Variants in EPHA6 observed in about 807,000 individuals in gnomAD.
EPHA6 encodes the protein EPH receptor A6, also known as ephrin type-A receptor 6.
Under a neutral mutation model 112.0 loss-of-function variants are expected in EPHA6, and 50 were observed. The observed-to-expected ratio is 0.45, with a 90% CI of 0.36 to 0.56. The LOEUF is 0.56. Among genes scored for constraint, EPHA6 ranks in the 20% least tolerant of loss-of-function variants. The pLI is 0.00. For synonymous variants in EPHA6, 529 were observed against 490.7 expected (o/e 1.08, Z -1.03); for missense variants, 1,280 against 1,417.4 (o/e 0.90, Z 1.56).
At chr3:97,196,246 G>T (rs1387521911) in intron 3 of EPHA6, among the ~76,000 whole-genome samples, 2 of 150,566 alleles carry the variant, frequency 1.3e-5, no homozygotes, top group Non-Finnish European at 3.0e-5. Flanking sequence ...TCTTCTGTTT[G>T]ATCAGTTCTG....
At chr3:96,854,138 A>G (rs2035553834) in intron 1 of EPHA6, among the ~76,000 whole-genome samples, 1 of 151,492 alleles carries the variant, frequency 6.6e-6, no homozygotes, top group South Asian at 2.1e-4. Flanking sequence ...CATGGATCTA[A>G]AAAAAGATAT....
chr3:97,543,885 G>T (rs2107684095), intron 11 of EPHA6, among the ~76,000 whole-genome samples: 1 of 152,028 alleles, frequency 6.6e-6, no homozygotes, highest in Admixed American at 6.6e-5. Flanking sequence ...CTCATGATTT[G>T]GCTCTCTGTC....
chr3:97,079,125 T>C (rs1007305876), intron 3 of EPHA6, among the ~76,000 whole-genome samples: 3 of 152,172 alleles, frequency 2.0e-5, no homozygotes, highest in African/African-American at 7.2e-5. Flanking sequence ...TGCCCATCAA[T>C]GTTAGACTGA....
rs202137993 is a variant in EPHA6, at chr3:97,377,951, G to A, written c.1607-27199G>A. On this transcript the variant is annotated intron_variant, in intron 5 of 17. Coordinates refer to ENST00000389672, the MANE Select transcript of EPHA6 (RefSeq NM_001080448.3). ...AGAAAAGAAAATCCCATTTTCTGAG[G>A]AGAAATTCCAGCTGCCAGCAAATAT... Among the ~76,000 whole-genome samples, 25 of 152,298 alleles carry A rather than the reference G, an allele frequency of 1.6e-4. No homozygotes were observed. In the East Asian group the frequency reaches 3.9e-3, roughly 23 times the overall value.
At chr3:97,290,493 G>A (rs1250320798) in intron 5 of EPHA6, among the ~76,000 whole-genome samples, 4 of 152,078 alleles carry the variant, frequency 2.6e-5, no homozygotes, top group African/African-American at 9.7e-5. Context: ...AATTTCGTTA[G>A]TTTTCTGCAT....
intron 3 of EPHA6, among the ~76,000 whole-genome samples, chr3:97,181,309 T>C (rs2076982529): frequency 6.6e-6 from 1 of 152,114 alleles, no homozygotes; most frequent in African/African-American, 2.4e-5. Flanking sequence ...TTCAGCAATA[T>C]GAATTTAAAA....
intron 2 of EPHA6, among the ~76,000 whole-genome samples, chr3:96,889,664 A>T (rs2037840391): frequency 6.6e-6 from 1 of 152,188 alleles, no homozygotes; most frequent in African/African-American, 2.4e-5. Context: ...TTGGGTGAGG[A>T]CTCAGAGGCA....
At chr3:97,262,115 A>G (rs2079523012) in intron 5 of EPHA6, among the ~76,000 whole-genome samples, 5 of 152,180 alleles carry the variant, frequency 3.3e-5, no homozygotes, top group Admixed American at 3.3e-4. Flanking sequence ...AGATTAAGAT[A>G]GCTTTTAACA....
intron 12 of EPHA6, among the ~76,000 whole-genome samples, chr3:97,600,308 A>G (rs935476351): frequency 1.0e-4 from 15 of 149,994 alleles, no homozygotes; most frequent in African/African-American, 3.5e-4. Flanking sequence ...ACTATGTTGA[A>G]TAGGAGTGGT....
intron 6 of EPHA6, among the ~76,000 whole-genome samples, chr3:97,422,162 A>C (rs2088707436): frequency 6.7e-6 from 1 of 148,952 alleles, no homozygotes; most frequent in Admixed American, 6.7e-5. Context: ...AAAAAAGAAT[A>C]GTCTCTCAAA....
chr3:97,322,333 C>T (rs1362879963), intron 5 of EPHA6, among the ~76,000 whole-genome samples: 1 of 151,812 alleles, frequency 6.6e-6, no homozygotes, highest in African/African-American at 2.4e-5. Flanking sequence ...ATTCCTATAC[C>T]CACATTTCCT....
At position 97,748,743 on chromosome 3, in the gene EPHA6, A is replaced by G. The variant is rs1312785200; in HGVS notation, c.*42A>G. On this transcript the variant is annotated 3_prime_UTR_variant, in exon 18 of 18. Coordinates refer to ENST00000389672, the MANE Select transcript of EPHA6 (RefSeq NM_001080448.3). The stretch of plus-strand genomic sequence containing the variant: ...TGTGTTTTGTGCCTCAGCATTTCTA[A>G]AATGAACGATATCCTCTCTACTACT... 7 of 1,008,700 alleles carry G rather than the reference A, an allele frequency of 6.9e-6. No individual in the cohort carries two copies. Among genetic ancestry groups the G allele is most frequent in the Non-Finnish European group, 9.4e-6 (6 of 637,256 alleles). 62.5% of individuals were successfully genotyped at this position (1,008,700 alleles called of 1,614,324 possible).
intron 3 of EPHA6, chr3:96,994,151 A>C (rs1017945061): frequency 2.0e-5 from 6 of 295,052 alleles, no homozygotes; most frequent in South Asian, 1.6e-4. Context: ...TGTATGAACC[A>C]GGCTTAAATA....
intron 3 of EPHA6, chr3:96,994,210 C>T (rs763533965): frequency 3.0e-5 from 12 of 406,730 alleles, no homozygotes; most frequent in Admixed American, 9.4e-5. Flanking sequence ...AAAGCAAACA[C>T]GAATAATTTG....
At chr3:96,937,054 C>T (rs574906209) in intron 2 of EPHA6, among the ~76,000 whole-genome samples, 2 of 152,144 alleles carry the variant, frequency 1.3e-5, no homozygotes, top group East Asian at 1.9e-4. Context: ...ATTGTGAATA[C>T]TGCCACAATA....
chr3:97,593,493 C>T (rs2093562771), intron 12 of EPHA6, among the ~76,000 whole-genome samples: 1 of 152,056 alleles, frequency 6.6e-6, no homozygotes, highest in Non-Finnish European at 1.5e-5. Flanking sequence ...AATATTGATT[C>T]TTGGAGTTTT....
rs150220789 is a variant in EPHA6 at position 97,553,091 on chromosome 3, G to A, written c.2386+20548G>A. On this transcript the variant is annotated intron_variant, in intron 11 of 17. Coordinates refer to ENST00000389672, the MANE Select transcript of EPHA6 (RefSeq NM_001080448.3). ...CAACCCATTCTTCACTTTTGCAGCC[G>A]GATTAATCTTTATACAAAAAGTTTT... is the stretch of plus-strand genomic sequence containing the variant. Among the ~76,000 whole-genome samples the A allele has an allele frequency of 3.7e-3, 557 of 151,976 alleles. 5 individuals are homozygous for A. The highest frequency in any genetic ancestry group is 9.5e-3 in the African/African-American group (392 of 41,462).
At chr3:97,501,028 T>C (rs2092104246) in intron 10 of EPHA6, among the ~76,000 whole-genome samples, 1 of 152,170 alleles carries the variant, frequency 6.6e-6, no homozygotes, top group Non-Finnish European at 1.5e-5. Flanking sequence ...CACTTACTAT[T>C]TGGGATAACA....
chr3:97,734,667 G>A lies in EPHA6; in HGVS notation c.2935-1258G>A, dbSNP rs543791036. ...AAGAATGTGTTAGTCATGTCCAATA[G>A]TGTAAATTTTAAAATAAATCAAATT... On this transcript the variant is annotated intron_variant, in intron 15 of 17. Transcript: ENST00000389672. Among the ~76,000 whole-genome samples, 156 of 152,138 alleles carry A rather than the reference G, an allele frequency of 1.0e-3. 1 individual carries two copies. The highest frequency in any genetic ancestry group is 7.3e-3 in the South Asian group (35 of 4,822).
Sources: gnomAD v4.1 joint callset for allele counts (sites outside exome capture counted in the v4.1 genomes callset) on GRCh38, gnomAD v4.1.1 for gene constraint, MANE v1.5 for transcripts, NCBI Gene and HGNC (gene_info 2026-07-23, HGNC 2026-07-21) for gene names.